SLC2A13: variants seen among roughly 807,000 people sequenced by gnomAD.
The protein encoded by SLC2A13 is solute carrier family 2 member 13, also known as proton myo-inositol cotransporter.
A neutral mutation model predicts 64.4 loss-of-function variants in SLC2A13; 32 were observed. The observed-to-expected ratio is 0.50, with a 90% CI of 0.37 to 0.67. SLC2A13 has a LOEUF of 0.67. Ranked by LOEUF, SLC2A13 falls within the 30% of genes least tolerant of loss-of-function variation. The pLI, the probability that SLC2A13 is intolerant of heterozygous loss-of-function variation, is 0.00. For synonymous variants in SLC2A13, 338 were observed against 327.1 expected, an observed-to-expected ratio of 1.03 and a Z score of -0.36; for missense variants, 743 against 829.2, an observed-to-expected ratio of 0.90 and a Z score of 1.28.
intron 4 of SLC2A13, among the ~76,000 whole-genome samples, chr12:39,922,288 C>T (rs1243452503): frequency 6.6e-6 from 1 of 152,166 alleles, no homozygotes; most frequent in Non-Finnish European, 1.5e-5. Flanking sequence ...TTGTTTTCTA[C>T]TCTTGTCCCT....
chr12:40,055,653 T>C (rs1445929922), intron 1 of SLC2A13, among the ~76,000 whole-genome samples: 2 of 152,196 alleles, frequency 1.3e-5, no homozygotes, highest in Admixed American at 6.5e-5. Flanking sequence ...TGTTAACTGA[T>C]TGGTTTTAAC....
At chr12:39,909,572 G>T (rs2136037530) in intron 4 of SLC2A13, among the ~76,000 whole-genome samples, 1 of 152,122 alleles carries the variant, frequency 6.6e-6, no homozygotes, top group Middle Eastern at 3.4e-3. Flanking sequence ...ACACAATGTT[G>T]GCTTTATGAA....
chr12:40,021,145 T>C (rs927133791), intron 3 of SLC2A13, among the ~76,000 whole-genome samples: 1 of 152,220 alleles, frequency 6.6e-6, no homozygotes, highest in Non-Finnish European at 1.5e-5. Flanking sequence ...GGATTCTCAG[T>C]ATAAATCAAG....
chr12:39,885,005 G>C (rs78395520), intron 4 of SLC2A13, among the ~76,000 whole-genome samples: 2,967 of 152,326 alleles, frequency 0.019, 36 homozygotes, highest in Non-Finnish European at 0.032. Flanking sequence ...TAGTGGCAGA[G>C]ACAGGTATTA....
intron 3 of SLC2A13, among the ~76,000 whole-genome samples, chr12:40,024,840 G>A (rs1425148761): frequency 6.6e-6 from 1 of 152,062 alleles, no homozygotes; most frequent in Non-Finnish European, 1.5e-5. Context: ...ATTATAATCT[G>A]GTTTTCTTTT....
chr12:39,899,303 T>G (rs1459431581), intron 4 of SLC2A13, among the ~76,000 whole-genome samples: 5 of 152,220 alleles, frequency 3.3e-5, no homozygotes, highest in Admixed American at 2.0e-4. Context: ...TGGTAGTTTG[T>G]ATTTCTGTGG....
chr12:39,859,715 T>G (rs1329102282), intron 6 of SLC2A13, among the ~76,000 whole-genome samples: 1 of 152,018 alleles, frequency 6.6e-6, no homozygotes, highest in Admixed American at 6.5e-5. Context: ...TTAGTAGAGC[T>G]GGGGTTTCAC....
At chr12:39,992,127 G>A (rs1331731863) in intron 3 of SLC2A13, among the ~76,000 whole-genome samples, 2 of 152,132 alleles carry the variant, frequency 1.3e-5, no homozygotes, top group Non-Finnish European at 2.9e-5. Context: ...CCTGATGTAG[G>A]GGTAGAAGAG....
Position 39,764,460 on chromosome 12 carries a change from C to A in SLC2A13, c.1720G>T (p.Gly574Ter). ...TATGTTAGAAAAAATATTATCTTAC[C>A]ATAGTATGTAAGATACTCTGCTGTG... ...LHTAEYLTYY[G>*]AFFLYAGFAA... The change falls in exon 9 of 10, where the codon GGA becomes TGA. Residue 574 changes from glycine (G) to a stop codon, truncating the protein, a stop_gained and splice_region_variant. Transcript: ENST00000280871. LOFTEE classifies it high-confidence loss of function. The A allele has an allele frequency of 4.5e-6, 7 of 1,560,564 alleles. No homozygotes were observed. The highest frequency in any genetic ancestry group is 6.0e-6 in the Non-Finnish European group (7 of 1,160,174).
chr12:40,040,869 T>A (rs1266344208), intron 2 of SLC2A13, among the ~76,000 whole-genome samples: 2 of 152,180 alleles, frequency 1.3e-5, no homozygotes, highest in Non-Finnish European at 2.9e-5. Flanking sequence ...AAGAACACAT[T>A]CTCCAGCATA....
intron 3 of SLC2A13, among the ~76,000 whole-genome samples, chr12:39,957,068 C>T (rs950609710): frequency 6.6e-6 from 1 of 152,168 alleles, no homozygotes; most frequent in Non-Finnish European, 1.5e-5. Context: ...CACACAATCA[C>T]CAAGAGTATT....
chr12:39,756,718 T>G lies in SLC2A13; in HGVS notation c.*3308A>C, dbSNP rs1939977299. On this transcript the variant is annotated 3_prime_UTR_variant, in exon 10 of 10. Coordinates refer to ENST00000280871, the MANE Select transcript of SLC2A13 (RefSeq NM_052885.4). ...AAGGGTAAGTTGTCAGCTTATATTTTTCCTGATCATTCTTCCCCTGTATAA... is the reference window on the plus strand; with the variant it reads ...AAGGGTAAGTTGTCAGCTTATATTTGTCCTGATCATTCTTCCCCTGTATAA... 6.6e-6 allele frequency: 1 copy of G among 151,726 alleles called. No individual in the cohort carries two copies. The highest frequency in any genetic ancestry group is 2.1e-4 in the South Asian group (1 of 4,834). 9.4% of individuals were successfully genotyped at this position (151,726 alleles called of 1,614,324 possible).
At position 39,901,158 on chromosome 12, in the gene SLC2A13, C is replaced by A. The variant is rs1270146428; in HGVS notation, c.1035-29197G>T. ...CATATGTAGAAAGCTGAAACTGGAT[C>A]CCTTCCTTACACCTTATACAAAGAA... On this transcript the variant is annotated intron_variant, in intron 4 of 9. Transcript: ENST00000280871. 2.6e-5 allele frequency among the ~76,000 whole-genome samples: 4 copies of A among 152,276 alleles called. No homozygotes were observed. In the East Asian group the frequency reaches 5.8e-4, roughly 22 times the overall value.
At chr12:39,828,542 T>C (rs989424526) in intron 7 of SLC2A13, among the ~76,000 whole-genome samples, 4 of 152,180 alleles carry the variant, frequency 2.6e-5, no homozygotes, top group African/African-American at 7.2e-5. Flanking sequence ...CTCTGACCTC[T>C]AACTCTTCTA....
chr12:39,864,377 G>T (rs1943846742), intron 6 of SLC2A13, among the ~76,000 whole-genome samples: 1 of 152,186 alleles, frequency 6.6e-6, no homozygotes, highest in South Asian at 2.1e-4. Context: ...GAGGGCATGT[G>T]CATCTTGTAA....
chr12:39,926,957 A>T (rs1945741416), intron 4 of SLC2A13, among the ~76,000 whole-genome samples: 1 of 152,208 alleles, frequency 6.6e-6, no homozygotes, highest in South Asian at 2.1e-4. Flanking sequence ...GGTTTCATTT[A>T]TAGAGAAAAA....
intron 2 of SLC2A13, among the ~76,000 whole-genome samples, chr12:40,036,432 A>T (rs1449360918): frequency 6.6e-6 from 1 of 152,232 alleles, no homozygotes; most frequent in African/African-American, 2.4e-5. Context: ...GAAAGAGAAC[A>T]TTTCCATAAT....
At chr12:40,079,334 A>G (rs922989686) in intron 1 of SLC2A13, among the ~76,000 whole-genome samples, 6 of 152,186 alleles carry the variant, frequency 3.9e-5, no homozygotes, top group Non-Finnish European at 7.3e-5. Context: ...ATTAATTTCA[A>G]ATAACTTATT....
intron 5 of SLC2A13, among the ~76,000 whole-genome samples, chr12:39,871,525 G>C (rs758265533): frequency 6.6e-6 from 1 of 151,424 alleles, no homozygotes; most frequent in Non-Finnish European, 1.5e-5. Flanking sequence ...TTGTACCTTT[G>C]AGTGGAACTC....
Sources: gnomAD v4.1 joint callset for allele counts (sites outside exome capture counted in the v4.1 genomes callset) on GRCh38, gnomAD v4.1.1 for gene constraint, MANE v1.5 for transcripts, NCBI Gene and HGNC (gene_info 2026-07-23, HGNC 2026-07-21) for gene names.